Variants in GLIS3 observed in about 807,000 individuals in gnomAD.
GLIS3 encodes the protein zinc finger protein GLIS3.
In GLIS3, 53 loss-of-function variants were observed where a neutral mutation model predicts 78.6. The ratio of observed to expected loss-of-function variants is 0.67; its 90% confidence interval spans 0.54 to 0.85. GLIS3 has a LOEUF of 0.85. Ranked by LOEUF, GLIS3 falls within the 40% of genes least tolerant of loss-of-function variation. The pLI, the probability that GLIS3 is intolerant of heterozygous loss-of-function variation, is 0.00. For synonymous variants in GLIS3, 684 were observed against 509.9 expected (o/e 1.34, Z -4.60); for missense variants, 1,703 against 1,231.1 (o/e 1.38, Z -5.74).
rs1317161972 is a variant in GLIS3, at chr9:4,299,769, G to A, written c.-447C>T. 1.3e-5 allele frequency: 2 copies of A among 152,302 alleles called. No homozygotes were observed. Among genetic ancestry groups the A allele is most frequent in the Non-Finnish European group, 2.9e-5 (2 of 68,136 alleles). 9.4% of individuals were successfully genotyped at this position (152,302 alleles called of 1,614,324 possible). On this transcript the variant is annotated 5_prime_UTR_variant, in exon 1 of 11. Transcript: ENST00000381971. ...TAATGTTTCTAAAAAGTTCAGTTGC[G>A]ACTTTGTGCCTCGCCTGTCCTGTTC...
At chr9:4,449,308 G>A in the GLIS3 span, among the ~76,000 whole-genome samples, 32 of 152,312 alleles carry the variant, frequency 2.1e-4, no homozygotes, top group African/African-American at 7.7e-4. Context: ...GGTAAAGAAA[G>A]TGGCCAGGGA....
chr9:4,403,445 A>G, the GLIS3 span, among the ~76,000 whole-genome samples: 55 of 152,288 alleles, frequency 3.6e-4, no homozygotes, highest in African/African-American at 1.2e-3. Context: ...TGTGTAAACT[A>G]CTCTTGTTTC....
intron 4 of GLIS3, among the ~76,000 whole-genome samples, chr9:4,057,661 G>A (rs1299732736): frequency 6.6e-6 from 1 of 151,610 alleles, no homozygotes. Flanking sequence ...AAATAAAAAA[G>A]AAAGAAAGGT....
chr9:4,440,322 G>C, the GLIS3 span, among the ~76,000 whole-genome samples: 89 of 152,152 alleles, frequency 5.8e-4, no homozygotes, highest in African/African-American at 2.0e-3. Flanking sequence ...TTCATCATTT[G>C]GGGTCTTAGA....
intron 2 of GLIS3, among the ~76,000 whole-genome samples, chr9:4,201,313 A>G (rs1819371686): frequency 1.3e-5 from 2 of 152,192 alleles, no homozygotes; most frequent in African/African-American, 4.8e-5. Context: ...AATCCAACAT[A>G]GTACTGGAAG....
the GLIS3 span, among the ~76,000 whole-genome samples, chr9:4,418,445 TG>T: frequency 2.0e-5 from 3 of 152,194 alleles, no homozygotes; most frequent in African/African-American, 7.2e-5. Flanking sequence ...GAAATGACTT[TG>T]TAAGAATTTG....
At chr9:3,836,063 A>G (rs1354172144) in intron 9 of GLIS3, among the ~76,000 whole-genome samples, 1 of 152,236 alleles carries the variant, frequency 6.6e-6, no homozygotes, top group Non-Finnish European at 1.5e-5. Flanking sequence ...AAAGGAACAA[A>G]TAAGGAAGTT....
At chr9:3,849,119 C>T (rs927787967) in intron 9 of GLIS3, among the ~76,000 whole-genome samples, 1 of 152,134 alleles carries the variant, frequency 6.6e-6, no homozygotes, top group Non-Finnish European at 1.5e-5. Flanking sequence ...GTGTTGGCAA[C>T]TGGAAACTCC....
chr9:4,429,239 C>T, the GLIS3 span, among the ~76,000 whole-genome samples: 133 of 152,186 alleles, frequency 8.7e-4, no homozygotes, highest in Middle Eastern at 3.4e-3. Flanking sequence ...GTGGCTTTCC[C>T]GCTATTCTTA....
chr9:4,212,826 C>G (rs1482024582), intron 2 of GLIS3, among the ~76,000 whole-genome samples: 1 of 152,064 alleles, frequency 6.6e-6, no homozygotes, highest in East Asian at 1.9e-4. Flanking sequence ...TAATGGGGGC[C>G]AGATGACAAA....
chr9:4,395,585 G>GTCAGTA, the GLIS3 span, among the ~76,000 whole-genome samples: 5 of 152,028 alleles, frequency 3.3e-5, no homozygotes, highest in South Asian at 1.0e-3. Flanking sequence ...TTCGTCCCTG[G>GTCAGTA]CCTCTACCCA....
the GLIS3 span, among the ~76,000 whole-genome samples, chr9:4,433,132 A>C: frequency 6.6e-6 from 1 of 152,216 alleles, no homozygotes; most frequent in Non-Finnish European, 1.5e-5. Flanking sequence ...TCTGATTATC[A>C]TGATCTTAAT....
chr9:3,976,299 A>G (rs987892275), intron 4 of GLIS3, among the ~76,000 whole-genome samples: 1 of 152,104 alleles, frequency 6.6e-6, no homozygotes, highest in Non-Finnish European at 1.5e-5. Flanking sequence ...AGATGTAAAT[A>G]TCTTTCCAAA....
At chr9:4,466,907 C>T in the GLIS3 span, among the ~76,000 whole-genome samples, 1 of 152,174 alleles carries the variant, frequency 6.6e-6, no homozygotes, top group African/African-American at 2.4e-5. Context: ...ACAGATGGTA[C>T]CTGGAAAATT....
At chr9:4,473,095 T>A in the GLIS3 span, among the ~76,000 whole-genome samples, 1 of 152,150 alleles carries the variant, frequency 6.6e-6, no homozygotes, top group Non-Finnish European at 1.5e-5. Context: ...CGCATTTCTT[T>A]TTCTCTGCAA....
chr9:4,406,482 G>A, the GLIS3 span, among the ~76,000 whole-genome samples: 1 of 152,062 alleles, frequency 6.6e-6, no homozygotes, highest in African/African-American at 2.4e-5. Flanking sequence ...CACCAGGCCT[G>A]GCTAATTTTG....
intron 1 of GLIS3, among the ~76,000 whole-genome samples, chr9:4,288,198 C>G (rs1414999419): frequency 6.6e-6 from 1 of 152,216 alleles, no homozygotes; most frequent in African/African-American, 2.4e-5. Context: ...TCATGAGCAA[C>G]AGTCACTTAA....
chr9:4,132,706 G>A (rs1201953449), intron 2 of GLIS3, among the ~76,000 whole-genome samples: 1 of 152,108 alleles, frequency 6.6e-6, no homozygotes, highest in Non-Finnish European at 1.5e-5. Flanking sequence ...TTATAAAAGA[G>A]GTGATCCCTG....
chr9:4,227,069 G>A (rs1295596801), intron 2 of GLIS3, among the ~76,000 whole-genome samples: 1 of 152,048 alleles, frequency 6.6e-6, no homozygotes, highest in Admixed American at 6.5e-5. Flanking sequence ...AGCGGTCTGT[G>A]GAAGAATGAC....
Sources: allele counts gnomAD v4.1 joint callset (sites outside exome capture counted in the v4.1 genomes callset), GRCh38; gene constraint gnomAD v4.1.1; transcripts MANE v1.5; gene names NCBI Gene and HGNC (gene_info 2026-07-23, HGNC 2026-07-21).